CACNA2D3: variants seen among roughly 807,000 people sequenced by gnomAD.
CACNA2D3 encodes voltage-dependent calcium channel subunit alpha-2/delta-3.
CACNA2D3 carries 60 observed loss-of-function variants against 160.6 expected under a neutral mutation model. That is an observed-to-expected ratio of 0.37 (90% CI 0.30 to 0.46). The LOEUF (loss-of-function observed/expected upper bound fraction) is 0.46, where lower values mean the gene tolerates loss of function less well. Among genes scored for constraint, CACNA2D3 ranks in the 20% least tolerant of loss-of-function variants. The pLI, the probability that CACNA2D3 is intolerant of heterozygous loss-of-function variation, is 1.00. For synonymous variants in CACNA2D3, 558 were observed against 492.9 expected, an observed-to-expected ratio of 1.13 and a Z score of -1.75; for missense variants, 1,205 against 1,365.0, an observed-to-expected ratio of 0.88 and a Z score of 1.85.
intron 4 of CACNA2D3, among the ~76,000 whole-genome samples, chr3:54,478,746 T>A (rs187113205): frequency 1.1e-4 from 13 of 116,200 alleles, no homozygotes; most frequent in African/African-American, 3.7e-4. Context: ...TTGTCAGGTG[T>A]ATCCACGCTG....
At chr3:54,546,931 T>A (rs1006852998) in intron 5 of CACNA2D3, among the ~76,000 whole-genome samples, 1 of 152,164 alleles carries the variant, frequency 6.6e-6, no homozygotes, top group Non-Finnish European at 1.5e-5. Flanking sequence ...TTTAATAGAG[T>A]TAAATTTGTA....
At chr3:54,401,673 G>C (rs1246494891) in intron 4 of CACNA2D3, among the ~76,000 whole-genome samples, 1 of 152,136 alleles carries the variant, frequency 6.6e-6, no homozygotes, top group African/African-American at 2.4e-5. Context: ...AGGAATAAAG[G>C]AGAAACAAAA....
intron 13 of CACNA2D3, among the ~76,000 whole-genome samples, chr3:54,794,209 C>G (rs969018440): frequency 6.6e-6 from 1 of 152,112 alleles, no homozygotes; most frequent in African/African-American, 2.4e-5. Flanking sequence ...ATCTCCACTT[C>G]TGACCCAATA....
intron 2 of CACNA2D3, among the ~76,000 whole-genome samples, chr3:54,215,370 T>C (rs1185076397): frequency 2.0e-5 from 3 of 152,240 alleles, no homozygotes; most frequent in African/African-American, 7.2e-5. Flanking sequence ...GTTACAGCGT[T>C]TTTAAAGCAT....
At chr3:54,660,163 A>C (rs150700890) in intron 11 of CACNA2D3, among the ~76,000 whole-genome samples, 112 of 113,604 alleles carry the variant, frequency 9.9e-4, no homozygotes, top group East Asian at 9.1e-3. Context: ...TTTTCTTTTT[A>C]TTTTTTTTTA....
At position 54,752,687 on chromosome 3, in the gene CACNA2D3, C is replaced by T. The variant is rs370035449; in HGVS notation, c.1246+10C>T. ...GCCTGTGCCAACAAAGGTGGGTCTT[C>T]GCATTGTGCTCGGCTCTGAATAACT... On this transcript the variant is annotated intron_variant, in intron 12 of 37. Transcript: ENST00000474759. 1.2e-4 allele frequency: 187 copies of T among 1,604,136 alleles called. No individual in the cohort carries two copies. The highest frequency in any genetic ancestry group is 1.8e-4 in the Admixed American group (11 of 59,714).
chr3:54,552,260 A>G (rs1346339383), intron 5 of CACNA2D3, among the ~76,000 whole-genome samples: 2 of 152,200 alleles, frequency 1.3e-5, no homozygotes, highest in South Asian at 2.1e-4. Flanking sequence ...GCCCTCTTTA[A>G]TGTACGCGTA....
chr3:54,680,241 A>G (rs1341183225), intron 11 of CACNA2D3, among the ~76,000 whole-genome samples: 1 of 152,196 alleles, frequency 6.6e-6, no homozygotes, highest in Non-Finnish European at 1.5e-5. Flanking sequence ...CCAAAGATAT[A>G]CATTCACCTA....
intron 4 of CACNA2D3, among the ~76,000 whole-genome samples, chr3:54,448,277 A>G (rs1700253417): frequency 6.6e-6 from 1 of 152,162 alleles, no homozygotes; most frequent in Non-Finnish European, 1.5e-5. Context: ...AAAATTAGCT[A>G]AGACCTATGC....
intron 27 of CACNA2D3, among the ~76,000 whole-genome samples, chr3:54,909,272 T>C (rs1172935004): frequency 1.3e-5 from 2 of 152,230 alleles, no homozygotes; most frequent in African/African-American, 4.8e-5. Flanking sequence ...TGGTAGAACA[T>C]TGAAAATGCC....
intron 27 of CACNA2D3, among the ~76,000 whole-genome samples, chr3:54,915,592 T>C (rs1207090802): frequency 1.3e-5 from 2 of 152,242 alleles, no homozygotes; most frequent in African/African-American, 2.4e-5. Flanking sequence ...TTGTGAAAGA[T>C]AATTTGTGGT....
chr3:54,478,637 A>AATATATATATATATATAT (rs1553692080), intron 4 of CACNA2D3, among the ~76,000 whole-genome samples: 3 of 9,122 alleles, frequency 3.3e-4, no homozygotes, highest in African/African-American at 6.2e-4. Context: ...GTCTCAAAAA[A>AATATATATATATATATAT]ATATATATAT....
rs370890883 is a variant in CACNA2D3, at chr3:54,444,550, T to G, written c.381+57776T>G. ...CTGCTCTATTTTTGGTTTCTTGTACTTTTCTCTCATTTTGCCCATGGATGG... is the reference window on the plus strand; with the variant it reads ...CTGCTCTATTTTTGGTTTCTTGTACGTTTCTCTCATTTTGCCCATGGATGG... On this transcript the variant is annotated intron_variant, in intron 4 of 37. Transcript: ENST00000474759. Among the ~76,000 whole-genome samples the G allele has an allele frequency of 2.5e-4, 38 of 152,308 alleles. 1 individual carries two copies. In the South Asian group the frequency reaches 7.9e-3, roughly 32 times the overall value.
chr3:54,316,685 C>T (rs1441120382), intron 2 of CACNA2D3, among the ~76,000 whole-genome samples: 1 of 152,178 alleles, frequency 6.6e-6, no homozygotes, highest in Non-Finnish European at 1.5e-5. Context: ...TTACAGGCAC[C>T]AGTAGTCCTG....
At chr3:54,424,875 A>T (rs937190524) in intron 4 of CACNA2D3, among the ~76,000 whole-genome samples, 1 of 151,976 alleles carries the variant, frequency 6.6e-6, no homozygotes, top group African/African-American at 2.4e-5. Flanking sequence ...TGCATCCCCA[A>T]ATCTTTCCGA....
At chr3:54,919,351 A>T (rs1291902189) in intron 27 of CACNA2D3, among the ~76,000 whole-genome samples, 1 of 152,240 alleles carries the variant, frequency 6.6e-6, no homozygotes. Context: ...TTATGTGTTT[A>T]TTACAAAGAT....
At chr3:54,673,274 T>A (rs1407969133) in intron 11 of CACNA2D3, among the ~76,000 whole-genome samples, 1 of 152,166 alleles carries the variant, frequency 6.6e-6, no homozygotes, top group Admixed American at 6.6e-5. Flanking sequence ...TTGGGGTGGG[T>A]GTAGAAAAGA....
chr3:54,281,531 T>C (rs72986069), intron 2 of CACNA2D3, among the ~76,000 whole-genome samples: 3,024 of 152,096 alleles, frequency 0.02, 88 homozygotes, highest in African/African-American at 0.069. Context: ...TGTAATGAGG[T>C]GATCCTTCAT....
At chr3:54,514,575 C>A (rs1223145563) in intron 5 of CACNA2D3, among the ~76,000 whole-genome samples, 1 of 152,056 alleles carries the variant, frequency 6.6e-6, no homozygotes, top group African/African-American at 2.4e-5. Context: ...GGAAGGCAGG[C>A]GGGAAGTCAG....
Sources: allele counts gnomAD v4.1 joint callset (sites outside exome capture counted in the v4.1 genomes callset), GRCh38; gene constraint gnomAD v4.1.1; transcripts MANE v1.5; gene names NCBI Gene and HGNC (gene_info 2026-07-23, HGNC 2026-07-21).